The following CDK8 variants were observed in gnomAD, a reference collection of about 807,000 sequenced individuals.
The protein encoded by CDK8 is cyclin-dependent kinase 8.
A neutral mutation model predicts 71.5 loss-of-function variants in CDK8; 29 were observed. That is an observed-to-expected ratio of 0.41 (90% confidence interval 0.30 to 0.55). The LOEUF is 0.55. Among genes scored for constraint, CDK8 ranks in the 20% least tolerant of loss-of-function variants. The pLI is 0.37. For synonymous variants in CDK8, 161 were observed against 192.1 expected (o/e 0.84, Z 1.34); for missense variants, 288 against 572.6 (o/e 0.50, Z 5.07).
chr13:26,363,494 C>T (rs1316304928), intron 4 of CDK8, among the ~76,000 whole-genome samples: 1 of 151,778 alleles, frequency 6.6e-6, no homozygotes, highest in Non-Finnish European at 1.5e-5. Flanking sequence ...CTACTCACTT[C>T]AAAGCTTATT....
intron 1 of CDK8, among the ~76,000 whole-genome samples, chr13:26,266,762 T>C (rs1872037852): frequency 1.3e-5 from 2 of 152,210 alleles, no homozygotes; most frequent in East Asian, 3.9e-4. Context: ...ATCACTGCCA[T>C]TCCTGTTTCT....
chr13:26,388,972 A>G (rs1875610787), intron 6 of CDK8, among the ~76,000 whole-genome samples: 1 of 152,360 alleles, frequency 6.6e-6, no homozygotes, highest in Admixed American at 6.5e-5. Context: ...AGAAGACAGT[A>G]TGAATATATG....
At chr13:26,279,594 T>G (rs1474996406) in intron 1 of CDK8, among the ~76,000 whole-genome samples, 5 of 152,110 alleles carry the variant, frequency 3.3e-5, no homozygotes, top group African/African-American at 1.2e-4. Context: ...TTCAAGAAAG[T>G]ATCATGAAAA....
chr13:26,349,321 A>G (rs1377007113), intron 3 of CDK8, 139 bp downstream of exon 3: 1 of 608,348 alleles, frequency 1.6e-6, no homozygotes, highest in East Asian at 2.8e-5. Context: ...TGGTGGCATG[A>G]CGAAGGCTAG....
At chr13:26,314,861 A>T (rs1181963249) in intron 1 of CDK8, among the ~76,000 whole-genome samples, 1 of 152,220 alleles carries the variant, frequency 6.6e-6, no homozygotes, top group African/African-American at 2.4e-5. Flanking sequence ...GATACAGATT[A>T]TATCTGTATG....
At chr13:26,281,428 C>T (rs774863205) in intron 1 of CDK8, among the ~76,000 whole-genome samples, 4 of 152,160 alleles carry the variant, frequency 2.6e-5, no homozygotes, top group South Asian at 4.1e-4. Flanking sequence ...CCATCCCTAA[C>T]GGGGAGTGCA....
At chr13:26,358,121 C>A (rs1252641208) in intron 4 of CDK8, among the ~76,000 whole-genome samples, 1 of 151,902 alleles carries the variant, frequency 6.6e-6, no homozygotes, top group Middle Eastern at 3.4e-3. Flanking sequence ...TGGTGAAACC[C>A]TATCTCTACT....
chr13:26,325,220 C>G (rs917289461), intron 1 of CDK8, among the ~76,000 whole-genome samples: 17 of 152,126 alleles, frequency 1.1e-4, no homozygotes, highest in Non-Finnish European at 1.9e-4. Flanking sequence ...ATTAATAGTT[C>G]TAATAATCTT....
intron 1 of CDK8, among the ~76,000 whole-genome samples, chr13:26,273,102 C>T (rs1324760440): frequency 6.6e-6 from 1 of 152,128 alleles, no homozygotes; most frequent in Non-Finnish European, 1.5e-5. Context: ...AGTTGTAACT[C>T]CTAGATTTAG....
intron 4 of CDK8, among the ~76,000 whole-genome samples, chr13:26,362,666 A>C (rs555905091): frequency 1.3e-5 from 2 of 152,258 alleles, no homozygotes; most frequent in South Asian, 4.1e-4. Context: ...TTTCCACTTT[A>C]GTCTACTGTT....
chr13:26,281,373 C>T (rs942856173), intron 1 of CDK8, among the ~76,000 whole-genome samples: 1 of 152,110 alleles, frequency 6.6e-6, no homozygotes. Context: ...GTGGTTAGGC[C>T]CAGTAGAGCA....
At chr13:26,371,639 G>T (rs1040620226) in intron 4 of CDK8, among the ~76,000 whole-genome samples, 1 of 151,774 alleles carries the variant, frequency 6.6e-6, no homozygotes, top group Admixed American at 6.6e-5. Flanking sequence ...TTTTGGAGAC[G>T]GAGTCTCCCC....
intron 1 of CDK8, among the ~76,000 whole-genome samples, chr13:26,311,155 T>C (rs1002923588): frequency 6.6e-6 from 1 of 151,924 alleles, no homozygotes; most frequent in Non-Finnish European, 1.5e-5. Context: ...TTTGAATAAA[T>C]GGACTCACTG....
At chr13:26,308,087 CAGTT>C (rs1296584335) in intron 1 of CDK8, among the ~76,000 whole-genome samples, 1 of 152,178 alleles carries the variant, frequency 6.6e-6, no homozygotes, top group Admixed American at 6.5e-5. Context: ...TATCCTTAAA[CAGTT>C]GGTACATTCG....
At chr13:26,301,610 G>A (rs1396741898) in intron 1 of CDK8, among the ~76,000 whole-genome samples, 1 of 152,140 alleles carries the variant, frequency 6.6e-6, no homozygotes, top group Non-Finnish European at 1.5e-5. Flanking sequence ...TAAAGTTGAC[G>A]TTAGAGCATT....
intron 2 of CDK8, among the ~76,000 whole-genome samples, chr13:26,343,152 G>GA (rs1253334922): frequency 1.3e-5 from 2 of 152,124 alleles, no homozygotes; most frequent in Non-Finnish European, 2.9e-5. Flanking sequence ...GATATGCTCT[G>GA]AAAAAATGCA....
At chr13:26,304,221 G>A (rs1009489233) in intron 1 of CDK8, among the ~76,000 whole-genome samples, 5 of 150,718 alleles carry the variant, frequency 3.3e-5, no homozygotes, top group Non-Finnish European at 7.4e-5. Context: ...CCGAGATTGC[G>A]CCGCTACACT....
chr13:26,258,415 A>G (rs1017987921), intron 1 of CDK8, among the ~76,000 whole-genome samples: 1 of 151,876 alleles, frequency 6.6e-6, no homozygotes, highest in Non-Finnish European at 1.5e-5. Flanking sequence ...CTTTTTTTCA[A>G]GTGCTATAAA....
Position 26,254,589 on chromosome 13 carries a change from A to ACCCCCGCC in CDK8, c.-49_-48insCGCCCCCC. 1.4e-6 allele frequency: 1 copy of ACCCCCGCC among 702,986 alleles called. No homozygotes were observed. 43.5% of individuals were successfully genotyped at this position (702,986 alleles called of 1,614,324 possible). On this transcript the variant is annotated 5_prime_UTR_variant, in exon 1 of 13. Transcript: ENST00000381527. This position sits in a 1 kb window ranked among gnomAD's most constrained non-coding sequence, Gnocchi z 6.7. ...GGCTGCCCGTGCTTCCCCGGTCCCCACCCCTGCCCCCCGGCCCCCCGACCC... is the reference window on the plus strand; with the variant it reads ...GGCTGCCCGTGCTTCCCCGGTCCCCACCCCCGCCCCCCTGCCCCCCGGCCCCCCGACCC...
Sources: gnomAD v4.1 joint callset for allele counts (sites outside exome capture counted in the v4.1 genomes callset) on GRCh38, gnomAD v4.1.1 for gene constraint, Gnocchi (gnomAD v3.1) non-coding constraint, MANE v1.5 for transcripts, NCBI Gene and HGNC (gene_info 2026-07-23, HGNC 2026-07-21) for gene names.